XRCC6: variants seen among roughly 807,000 people sequenced by gnomAD.
XRCC6 encodes the protein DNA repair protein Ku70.
A neutral mutation model predicts 65.7 loss-of-function variants in XRCC6; 5 were observed. The observed-to-expected ratio is 0.08, with a 90% CI of 0.04 to 0.16. The LOEUF is 0.16. Among genes scored for constraint, XRCC6 ranks in the 10% least tolerant of loss-of-function variants. The pLI, the probability that XRCC6 is intolerant of heterozygous loss-of-function variation, is 1.00. For synonymous variants in XRCC6, 270 were observed against 270.6 expected (o/e 1.00, Z 0.02); for missense variants, 447 against 738.1 (o/e 0.61, Z 4.57).
intron 3 of XRCC6, among the ~76,000 whole-genome samples, chr22:41,635,892 T>TA (rs1324927026): frequency 6.6e-6 from 1 of 152,166 alleles, no homozygotes; most frequent in Admixed American, 6.6e-5. Context: ...AGGGACTGCT[T>TA]ATACTTCTAA....
At chr22:41,643,273 G>A (rs891548789) in intron 6 of XRCC6, among the ~76,000 whole-genome samples, 4 of 152,134 alleles carry the variant, frequency 2.6e-5, no homozygotes, top group African/African-American at 9.7e-5. Flanking sequence ...GCCAGGCTTG[G>A]TGGTGGGCGC....
intron 3 of XRCC6, among the ~76,000 whole-genome samples, chr22:41,631,561 C>CA (rs1186427378): frequency 7.9e-6 from 1 of 126,964 alleles, no homozygotes; most frequent in Non-Finnish European, 1.6e-5. Context: ...CCCCACATCT[C>CA]AGACGATGGG....
At position 41,628,240 on chromosome 22, in the gene XRCC6, C is replaced by A; in HGVS notation, c.195+10C>A. 1 of 1,601,384 alleles carries A rather than the reference C, an allele frequency of 6.2e-7. No homozygotes were observed. Among genetic ancestry groups the A allele is most frequent in the Admixed American group, 1.7e-5 (1 of 58,358 alleles). On this transcript the variant is annotated intron_variant, in intron 3 of 12. Coordinates refer to ENST00000360079, the MANE Select transcript of XRCC6 (RefSeq NM_001469.5). The stretch of plus-strand genomic sequence containing the variant: ...TGACATGAGCATCCAGGTAAGACTA[C>A]CTTTTAATTTAAGACAAATTTAAAA...
Position 41,621,979 on chromosome 22 carries a change from C to T in XRCC6, c.-15-11C>T. 3 of 1,613,842 alleles carry T rather than the reference C, an allele frequency of 1.9e-6. No individual in the cohort carries two copies. The highest frequency in any genetic ancestry group is 1.3e-5 in the African/African-American group (1 of 75,064). ...ATTTGCCTGTTACTGACGTTAACGT[C>T]TTTCGCCTAGTGAGCAGTAGCCAAC... is the stretch of plus-strand genomic sequence containing the variant. On this transcript the variant is annotated splice_polypyrimidine_tract_variant and intron_variant, in intron 1 of 12. Transcript: ENST00000360079.
In XRCC6 at chr22:41,636,425, G is replaced by A. The variant is rs373746562; in HGVS notation, c.335-91G>A. 7.1e-6 allele frequency: 11 copies of A among 1,542,254 alleles called. 1 individual carries two copies. In the African/African-American group the frequency reaches 1.2e-4, roughly 17 times the overall value. On this transcript the variant is annotated intron_variant, in intron 4 of 12. Transcript: ENST00000360079. ...TAAATGGGTTAAACAGCTCTGGGGT[G>A]AAAAAGGGTCCTTCTGTTAGTCTTG...
intron 9 of XRCC6, among the ~76,000 whole-genome samples, chr22:41,656,100 C>G (rs1389184367): frequency 2.7e-5 from 4 of 150,276 alleles, no homozygotes; most frequent in Admixed American, 1.3e-4. Flanking sequence ...AGTGTGGTGG[C>G]ATTCACTTGT....
chr22:41,624,236 G>A (rs76122577), intron 2 of XRCC6, among the ~76,000 whole-genome samples: 10,065 of 151,920 alleles, frequency 0.066, 1,079 homozygotes, highest in African/African-American at 0.23. Flanking sequence ...AAATACAAAA[G>A]TTAGCTGAGT....
chr22:41,657,179 A>G lies in XRCC6; in HGVS notation c.1421+147A>G, dbSNP rs993331782. Reference sequence around the variant, plus strand: ...TTATTAATAGTTTTTTGAAAGCCATATAGAGAATGGAACCTTTTATTATGT... The same window carrying G: ...TTATTAATAGTTTTTTGAAAGCCATGTAGAGAATGGAACCTTTTATTATGT... On this transcript the variant is annotated intron_variant, in intron 10 of 12. Transcript: ENST00000360079. The G allele has an allele frequency of 7.6e-6, 8 of 1,048,266 alleles. No homozygotes were observed. In the African/African-American group the frequency reaches 8.3e-5, roughly 11 times the overall value. The allele number at this position is 1,048,266 out of a possible 1,614,324, so 64.9% of individuals were successfully genotyped here. A position where few individuals can be genotyped will look rare whatever the true frequency, so the allele number is the denominator to read the frequency against.
intron 11 of XRCC6, among the ~76,000 whole-genome samples, chr22:41,661,081 A>G (rs902229571): frequency 1.3e-5 from 2 of 152,122 alleles, no homozygotes; most frequent in Non-Finnish European, 2.9e-5. Context: ...TACCTATCCT[A>G]TAGGTTGTTA....
At position 41,637,642 on chromosome 22, in the gene XRCC6, T is replaced by A. The variant is rs1173259553; in HGVS notation, c.624T>A (p.Pro208=). Residue 208 remains proline, a synonymous_variant, in exon 6 of 13, where the codon CCT becomes CCA. Coordinates refer to ENST00000360079, the MANE Select transcript of XRCC6 (RefSeq NM_001469.5). Reference sequence around the variant, plus strand: ...TTGACTTGATGCACCTGAAGAAACCTGGGGGCTTTGACATATCCTTGTTCT... The same window carrying A: ...TTGACTTGATGCACCTGAAGAAACCAGGGGGCTTTGACATATCCTTGTTCT... ...IFLDLMHLKK[P]GGFDISLFYR... 6.2e-7 allele frequency: 1 copy of A among 1,609,886 alleles called. No individual in the cohort carries two copies. Among genetic ancestry groups the A allele is most frequent in the Non-Finnish European group, 8.5e-7 (1 of 1,178,496 alleles).
At chr22:41,624,845 A>G (rs1223701070) in intron 2 of XRCC6, among the ~76,000 whole-genome samples, 2 of 149,056 alleles carry the variant, frequency 1.3e-5, no homozygotes, top group Admixed American at 1.4e-4. Flanking sequence ...AAAATACAAA[A>G]AAATAGCCAG....
At chr22:41,654,657 C>T (rs2068028930) in intron 9 of XRCC6, among the ~76,000 whole-genome samples, 1 of 152,172 alleles carries the variant, frequency 6.6e-6, no homozygotes, top group East Asian at 1.9e-4. Flanking sequence ...TAACTCTTAC[C>T]TGTTTCCTTT....
Position 41,663,710 on chromosome 22 carries a change from G to A in XRCC6, c.1725G>A (p.Lys575=). 6.2e-7 allele frequency: 1 copy of A among 1,614,000 alleles called. No individual in the cohort carries two copies. Among genetic ancestry groups the A allele is most frequent in the Non-Finnish European group, 8.5e-7 (1 of 1,179,884 alleles). Residue 575 remains lysine (K), a synonymous_variant, in exon 13 of 13, where the codon AAG becomes AAA. Coordinates refer to ENST00000360079, the MANE Select transcript of XRCC6 (RefSeq NM_001469.5). Reference sequence around the variant, plus strand: ...ACATCAGCAAGGGTACGCTGGGCAAGTTCACTGTGCCCATGCTGAAAGAGG... The same window carrying A: ...ACATCAGCAAGGGTACGCTGGGCAAATTCACTGTGCCCATGCTGAAAGAGG... The part of the protein sequence containing the change: ...KTHISKGTLG[K]FTVPMLKEAC...
chr22:41,644,375 G>A (rs1683410646), intron 6 of XRCC6, among the ~76,000 whole-genome samples: 1 of 152,142 alleles, frequency 6.6e-6, no homozygotes, highest in African/African-American at 2.4e-5. Context: ...AATGTTCTAT[G>A]TGCTTGAGAA....
chr22:41,623,855 G>T (rs2067639007), intron 2 of XRCC6, among the ~76,000 whole-genome samples: 1 of 152,050 alleles, frequency 6.6e-6, no homozygotes, highest in South Asian at 2.1e-4. Context: ...CAAGCAGCTG[G>T]GATGACAGGC....
chr22:41,661,118 G>T lies in XRCC6; in HGVS notation c.1523-213G>T, dbSNP rs1179026609. Reference sequence around the variant, plus strand: ...AAGGAGTAAATAGAGTAAGTTTAAAGCATTTACAACAGTGCCTGGCGGTAG... The same window carrying T: ...AAGGAGTAAATAGAGTAAGTTTAAATCATTTACAACAGTGCCTGGCGGTAG... On this transcript the variant is annotated intron_variant, in intron 11 of 12. Transcript: ENST00000360079. Among the ~76,000 whole-genome samples the T allele has an allele frequency of 2.0e-5, 3 of 152,074 alleles. 1 individual carries two copies. The highest frequency in any genetic ancestry group is 7.2e-5 in the African/African-American group (3 of 41,400).
At position 41,661,660 on chromosome 22, in the gene XRCC6, T is replaced by C. The variant is rs1352378078; in HGVS notation, c.1636+216T>C. 7.8e-6 allele frequency: 4 copies of C among 510,580 alleles called. No homozygotes were observed. The African/African-American group carries it at 7.8e-5, about 10-fold the overall frequency. 31.6% of individuals were successfully genotyped at this position (510,580 alleles called of 1,614,324 possible). A position where few individuals can be genotyped will look rare whatever the true frequency, so the allele number is the denominator to read the frequency against. On this transcript the variant is annotated intron_variant, in intron 12 of 12. Coordinates refer to ENST00000360079, the MANE Select transcript of XRCC6 (RefSeq NM_001469.5). ...GGAATGTAAATTAGTACAGCCACTA[T>C]TATGGAGAATAGTTGGGAGTTTCCT...
intron 11 of XRCC6, among the ~76,000 whole-genome samples, chr22:41,659,091 C>T (rs575273403): frequency 2.0e-5 from 3 of 152,222 alleles, no homozygotes; most frequent in Admixed American, 2.0e-4. Flanking sequence ...AGTTGGTCCC[C>T]GCCCGGCTAA....
In XRCC6 at chr22:41,649,592, C is replaced by T. The variant is rs12167879; in HGVS notation, c.961-1131C>T. 5.0e-3 allele frequency among the ~76,000 whole-genome samples: 758 copies of T among 152,090 alleles called. 3 individuals are homozygous for T. Among genetic ancestry groups the T allele is most frequent in the African/African-American group, 0.017 (726 of 41,514 alleles). On this transcript the variant is annotated intron_variant, in intron 7 of 12. Transcript: ENST00000360079. ...TGTGGTGGCCGGGTGCGGTGGCTCA[C>T]GCCTGTAATCCCAGCACTTTGGGAG...
Sources: gnomAD v4.1 joint callset for allele counts (sites outside exome capture counted in the v4.1 genomes callset) on GRCh38, gnomAD v4.1.1 for gene constraint, MANE v1.5 for transcripts, NCBI Gene and HGNC (gene_info 2026-07-23, HGNC 2026-07-21) for gene names.